CFAP43: variants seen among roughly 807,000 people sequenced by gnomAD.
CFAP43 encodes the protein cilia and flagella associated protein 43, also known as cilia- and flagella-associated protein 43.
Under a neutral mutation model 218.9 loss-of-function variants are expected in CFAP43, and 155 were observed. That is an observed-to-expected ratio of 0.71 (90% CI 0.62 to 0.81). The LOEUF (loss-of-function observed/expected upper bound fraction) is 0.81, where lower values mean the gene tolerates loss of function less well. CFAP43 is among the 30% of genes least tolerant of loss of function. CFAP43 has a pLI of 0.00. For missense variants in CFAP43, 1,778 were observed against 1,954.3 expected (o/e 0.91, Z 1.70); for synonymous variants, 645 against 681.3 (o/e 0.95, Z 0.83).
chr10:104,182,544 T>G (rs1482455702), intron 16 of CFAP43, 31 bp from the exon 17 acceptor site: 1 of 1,543,562 alleles, frequency 6.5e-7, no homozygotes, highest in African/African-American at 1.4e-5. Context: ...ACACAGAGGC[T>G]ATAAAAATCA....
chr10:104,156,181 C>G (rs1264280817), intron 27 of CFAP43, among the ~76,000 whole-genome samples: 4 of 151,834 alleles, frequency 2.6e-5, no homozygotes, highest in Admixed American at 1.3e-4. Flanking sequence ...CATATAGAAA[C>G]AAAAGAAAAA....
At chr10:104,152,111 A>T (rs966376104) in intron 28 of CFAP43, among the ~76,000 whole-genome samples, 2 of 152,100 alleles carry the variant, frequency 1.3e-5, no homozygotes, top group African/African-American at 4.8e-5. Context: ...TTCAACATAC[A>T]CTTTGAACAA....
In CFAP43 at chr10:104,164,520, C is replaced by T. The variant is rs1564742634; in HGVS notation, c.3040-220G>A. Among the ~76,000 whole-genome samples, 5 of 152,120 alleles carry T rather than the reference C, an allele frequency of 3.3e-5. No homozygotes were observed. The South Asian group carries it at 1.0e-3, about 32-fold the overall frequency. ...TCACGCCATTCTCCTGCCTCAGCCT[C>T]CTGAGTAGCTGGGACTACAGGTGCC... On this transcript the variant is annotated intron_variant, in intron 23 of 37. Coordinates refer to ENST00000357060, the MANE Select transcript of CFAP43 (RefSeq NM_025145.7).
intron 9 of CFAP43, 29 bp downstream of exon 9, chr10:104,197,893 C>T: frequency 7.2e-7 from 1 of 1,387,136 alleles, no homozygotes; most frequent in Admixed American, 1.7e-5. Flanking sequence ...ATCTTTAGTC[C>T]TACTGTGACA....
In CFAP43 at chr10:104,182,454, G is replaced by A; in HGVS notation, c.2201C>T (p.Ser734Phe). ...ILDYYQKLLISLSSAMDKENH... is the reference protein window; with the variant it reads ...ILDYYQKLLIFLSSAMDKENH... ...CTCCTTGTCCATGGCGCTGCTCAGG[G>A]AAATTAATAGTTTCTGGTAATAGTC... Residue 734 changes from serine to phenylalanine, a missense_variant, in exon 17 of 38, where the codon TCC (serine) becomes TTC (phenylalanine). Ser to Phe is a radical substitution (Grantham distance 155). This residue lies in a region of CFAP43 where 1,553 missense variants were observed against 1,685.2 expected (regional missense o/e 0.92). Coordinates refer to ENST00000357060, the MANE Select transcript of CFAP43 (RefSeq NM_025145.7). The A allele has an allele frequency of 1.9e-6, 3 of 1,612,342 alleles. No homozygotes were observed. Among genetic ancestry groups the A allele is most frequent in the Non-Finnish European group, 2.5e-6 (3 of 1,179,384 alleles).
At chr10:104,136,656 C>T (rs765835961) in intron 34 of CFAP43, among the ~76,000 whole-genome samples, 16 of 152,042 alleles carry the variant, frequency 1.1e-4, no homozygotes, top group African/African-American at 2.7e-4. Flanking sequence ...CATGAGCCAC[C>T]GCACACGGCC....
At chr10:104,222,921 T>C (rs2091220584) in intron 3 of CFAP43, among the ~76,000 whole-genome samples, 1 of 152,226 alleles carries the variant, frequency 6.6e-6, no homozygotes, top group African/African-American at 2.4e-5. Flanking sequence ...TAAACACCTC[T>C]AGGATAGGGG....
chr10:104,168,257 A>C (rs2089263705), intron 21 of CFAP43, among the ~76,000 whole-genome samples: 2 of 152,200 alleles, frequency 1.3e-5, no homozygotes, highest in Admixed American at 6.5e-5. Flanking sequence ...AGCATATTTG[A>C]AAGTGAAAAG....
intron 12 of CFAP43, among the ~76,000 whole-genome samples, chr10:104,190,906 G>A (rs1180600330): frequency 1.3e-5 from 2 of 152,128 alleles, no homozygotes; most frequent in African/African-American, 4.8e-5. Flanking sequence ...GCCTCGCTTC[G>A]CCTCAATTGC....
Position 104,188,818 on chromosome 10 carries a change from G to A in CFAP43, c.1547-408C>T, listed in dbSNP as rs145870134. ...GGCCTTCTTTGCATCTGTGGTCAAG[G>A]ACTGTGGGTGTGGTGGAAACGTGAC... On this transcript the variant is annotated intron_variant, in intron 12 of 37. Transcript: ENST00000357060. 2.6e-5 allele frequency among the ~76,000 whole-genome samples: 4 copies of A among 152,262 alleles called. No homozygotes were observed. In the East Asian group the frequency reaches 7.7e-4, roughly 29 times the overall value.
At chr10:104,186,204 T>C (rs1463833124) in intron 14 of CFAP43, 81 bp from the exon 15 acceptor site, 1 of 1,144,780 alleles carries the variant, frequency 8.7e-7, no homozygotes, top group Non-Finnish European at 1.2e-6. Context: ...ACATGCCTGT[T>C]GTATATTGTC....
chr10:104,167,466 A>T, intron 22 of CFAP43, 155 bp downstream of exon 22: 1 of 491,044 alleles, frequency 2.0e-6, no homozygotes, highest in Non-Finnish European at 3.4e-6. Flanking sequence ...AGGCTCCTAT[A>T]GTTATTAGAA....
intron 7 of CFAP43, among the ~76,000 whole-genome samples, chr10:104,204,189 T>C (rs1479936276): frequency 6.6e-6 from 1 of 152,196 alleles, no homozygotes; most frequent in Non-Finnish European, 1.5e-5. Context: ...CTGTATGCTC[T>C]TTAATCATTA....
At chr10:104,200,878 C>T (rs2090517269) in intron 8 of CFAP43, among the ~76,000 whole-genome samples, 1 of 151,906 alleles carries the variant, frequency 6.6e-6, no homozygotes, top group Non-Finnish European at 1.5e-5. Flanking sequence ...GCAGATAAGG[C>T]CAGAGGTGGG....
intron 20 of CFAP43, 131 bp from the exon 21 acceptor site, chr10:104,168,979 T>C (rs1458071829): frequency 1.4e-6 from 1 of 701,422 alleles, no homozygotes; most frequent in Non-Finnish European, 2.4e-6. Context: ...TCTCCAACAC[T>C]TTGAGCCACC....
intron 7 of CFAP43, among the ~76,000 whole-genome samples, chr10:104,204,962 C>A (rs1196624152): frequency 6.6e-6 from 1 of 152,132 alleles, no homozygotes; most frequent in African/African-American, 2.4e-5. Context: ...CGCCTGTAAT[C>A]CCAGCATTTT....
chr10:104,199,951 G>A (rs893379351), intron 8 of CFAP43, among the ~76,000 whole-genome samples: 4 of 151,958 alleles, frequency 2.6e-5, no homozygotes, highest in Non-Finnish European at 4.4e-5. Context: ...TTTATTGGGG[G>A]GTCTGAAGAA....
At chr10:104,160,649 G>T (rs2088822400) in intron 27 of CFAP43, among the ~76,000 whole-genome samples, 1 of 152,156 alleles carries the variant, frequency 6.6e-6, no homozygotes, top group Non-Finnish European at 1.5e-5. Flanking sequence ...TTTTTCCTGA[G>T]ATGGAGAACA....
rs537860848 is a variant in CFAP43 at position 104,169,363 on chromosome 10, A to T, written c.2587-515T>A. Among the ~76,000 whole-genome samples, 7 of 152,322 alleles carry T rather than the reference A, an allele frequency of 4.6e-5. No homozygotes were observed. In the South Asian group the frequency reaches 1.5e-3, roughly 32 times the overall value. On this transcript the variant is annotated intron_variant, in intron 20 of 37. Transcript: ENST00000357060. ...TTGTGACCTCTGTCTGGGAGTCTTT[A>T]CTGTACTTAATTCTTCTATTATTTA...
Sources: allele counts gnomAD v4.1 joint callset (sites outside exome capture counted in the v4.1 genomes callset), GRCh38; gene constraint gnomAD v4.1.1; regional missense constraint gnomAD v4.1.1; transcripts MANE v1.5; gene names NCBI Gene and HGNC (gene_info 2026-07-23, HGNC 2026-07-21).